The following PLCZ1 variants were observed in gnomAD, a reference collection of about 807,000 sequenced individuals.
PLCZ1 encodes the protein 1-phosphatidylinositol 4,5-bisphosphate phosphodiesterase zeta-1.
Under a neutral mutation model 76.8 loss-of-function variants are expected in PLCZ1, and 64 were observed. That is an observed-to-expected ratio of 0.83 (90% CI 0.68 to 1.03). PLCZ1 has a LOEUF of 1.03. Ranked by LOEUF, PLCZ1 falls within the 50% of genes least tolerant of loss-of-function variation. The probability of loss-of-function intolerance (pLI) is 0.00; values close to 1 mark genes in which losing one functional copy is unlikely to be tolerated. For missense variants in PLCZ1, 751 were observed against 713.7 expected (o/e 1.05, Z -0.60); for synonymous variants, 248 against 230.8 (o/e 1.07, Z -0.68).
In PLCZ1 at chr12:18,688,230, TATATGA is replaced by T; in HGVS notation, c.1462-18_1462-13del. On this transcript the variant is annotated splice_polypyrimidine_tract_variant and intron_variant, in intron 12 of 14. Coordinates refer to ENST00000266505, the MANE Select transcript of PLCZ1 (RefSeq NM_033123.4). ...ATACCACTGATGAGCTGCACAAATA[TATATGA>T]ATATAAGAATTTAGCAAGATATTAA... is the stretch of plus-strand genomic sequence containing the variant. The T allele has an allele frequency of 1.3e-6, 2 of 1,596,470 alleles. No individual in the cohort carries two copies. The highest frequency in any genetic ancestry group is 1.7e-6 in the Non-Finnish European group (2 of 1,172,548).
Position 18,701,528 on chromosome 12 carries a change from A to C in PLCZ1, c.990T>G (p.Pro330=). The C allele has an allele frequency of 2.5e-6, 4 of 1,613,970 alleles. No individual in the cohort carries two copies. The highest frequency in any genetic ancestry group is 3.4e-6 in the Non-Finnish European group (4 of 1,179,952). ...QDKETGVKKL[P]GVMLFKKKKT... ...TCTTTTTCTTGAAAAGCATTACTCC[A>C]GGTAACTTTTTTACCCCTGTTTCCT... Residue 330 remains proline, a synonymous_variant, in exon 9 of 15, where the codon CCT becomes CCG. Coordinates refer to ENST00000266505, the MANE Select transcript of PLCZ1 (RefSeq NM_033123.4).
chr12:18,650,664 ATGTGTG>A, the PLCZ1 span, among the ~76,000 whole-genome samples: 308 of 35,528 alleles, frequency 8.7e-3, 7 homozygotes, highest in Middle Eastern at 0.021. Context: ...TGGAATATAA[ATGTGTG>A]TGTGTGTGTG....
At chr12:18,691,006 T>C (rs140591057) in intron 12 of PLCZ1, among the ~76,000 whole-genome samples, 1 of 152,192 alleles carries the variant, frequency 6.6e-6, no homozygotes, top group East Asian at 1.9e-4. Flanking sequence ...AGAATAGATA[T>C]GGAGGACTGA....
intron 2 of PLCZ1, chr12:18,736,726 A>G (rs2150772857): frequency 7.9e-7 from 1 of 1,258,758 alleles, no homozygotes; most frequent in South Asian, 1.2e-5. Context: ...TCTTCCAGAA[A>G]GGTGAGCAAA....
intron 3 of PLCZ1, among the ~76,000 whole-genome samples, chr12:18,734,897 G>A (rs1302910018): frequency 6.6e-6 from 1 of 152,172 alleles, no homozygotes; most frequent in Non-Finnish European, 1.5e-5. Context: ...TTAGCTGTAA[G>A]CTTTTCATAT....
At chr12:18,687,509 A>G (rs1472804085) in intron 13 of PLCZ1, among the ~76,000 whole-genome samples, 2 of 152,132 alleles carry the variant, frequency 1.3e-5, no homozygotes, top group East Asian at 3.9e-4. Flanking sequence ...TGGCAATGCC[A>G]GTACTATACT....
In PLCZ1 at chr12:18,696,274, A is replaced by G. The variant is rs1592071270; in HGVS notation, c.1175-8T>C. 7.4e-7 allele frequency: 1 copy of G among 1,345,562 alleles called. No homozygotes were observed. The highest frequency in any genetic ancestry group is 1.0e-6 in the Non-Finnish European group (1 of 953,318). 83.4% of individuals were successfully genotyped at this position (1,345,562 alleles called of 1,614,324 possible). The stretch of plus-strand genomic sequence containing the variant: ...GAAAAATAAACTCATGGACTGAAAA[A>G]GAATAATTAAAACATTGTGAAAGAA... On this transcript the variant is annotated splice_polypyrimidine_tract_variant and splice_region_variant and intron_variant, in intron 10 of 14. Transcript: ENST00000266505.
chr12:18,717,747 A>G (rs1339665788), intron 5 of PLCZ1, among the ~76,000 whole-genome samples: 1 of 151,978 alleles, frequency 6.6e-6, no homozygotes, highest in African/African-American at 2.4e-5. Context: ...TTTCCCTCAT[A>G]TCTCTCTTCA....
chr12:18,701,606 ATCCTCCTCCTCCTCCTCCTCCTCC>A lies in PLCZ1; in HGVS notation c.949+62_950-39del, dbSNP rs11279217. Reference sequence around the variant, plus strand: ...CCAATACTTCTGATTCTTTGAATTTATCCTCCTCCTCCTCCTCCTCCTCCTCCTCCTCCTCCTCCTCCTCCTCTC... The same window carrying A: ...CCAATACTTCTGATTCTTTGAATTTATCCTCCTCCTCCTCCTCCTCCTCTC... On this transcript the variant is annotated intron_variant, in intron 8 of 14. Transcript: ENST00000266505. 1.5e-4 allele frequency: 236 copies of A among 1,525,058 alleles called. No homozygotes were observed. The Admixed American group carries it at 2.6e-3, about 17-fold the overall frequency. The allele number at this position is 1,525,058 out of a possible 1,614,324, so 94.5% of individuals were successfully genotyped here. A position where few individuals can be genotyped will look rare whatever the true frequency, so the allele number is the denominator to read the frequency against.
At chr12:18,664,403 G>C in the PLCZ1 span, among the ~76,000 whole-genome samples, 1 of 152,200 alleles carries the variant, frequency 6.6e-6, no homozygotes, top group Non-Finnish European at 1.5e-5. Flanking sequence ...TAAGGAAACT[G>C]TAGTTTATAC....
chr12:18,687,065 C>T (rs560869063), intron 13 of PLCZ1, among the ~76,000 whole-genome samples: 1 of 152,186 alleles, frequency 6.6e-6, no homozygotes, highest in Non-Finnish European at 1.5e-5. Flanking sequence ...TCTCTGGACA[C>T]AGCCGTAGCA....
the PLCZ1 span, among the ~76,000 whole-genome samples, chr12:18,658,764 G>A: frequency 6.6e-6 from 1 of 151,998 alleles, no homozygotes; most frequent in Non-Finnish European, 1.5e-5. Flanking sequence ...ATTTCACAGA[G>A]AGTAAAAAGG....
chr12:18,668,407 T>G, the PLCZ1 span, among the ~76,000 whole-genome samples: 3 of 152,194 alleles, frequency 2.0e-5, no homozygotes, highest in Non-Finnish European at 2.9e-5. Context: ...AAGGAAAACC[T>G]TGCTCATCCA....
the PLCZ1 span, among the ~76,000 whole-genome samples, chr12:18,652,947 GAA>G: frequency 0.018 from 2,725 of 151,728 alleles, 80 homozygotes; most frequent in African/African-American, 0.063. Context: ...GAGAGAGAGA[GAA>G]AGAGAGAGAC....
At chr12:18,721,381 T>G (rs115630028) in intron 4 of PLCZ1, among the ~76,000 whole-genome samples, 1,810 of 152,084 alleles carry the variant, frequency 0.012, 30 homozygotes, top group African/African-American at 0.04. Context: ...TGATCAATAA[T>G]CATGTAAATG....
At chr12:18,681,635 ACAT>A (rs1417147668), downstream of PLCZ1, among the ~76,000 whole-genome samples, 1 of 152,084 alleles carries the variant, frequency 6.6e-6, no homozygotes, top group African/African-American at 2.4e-5. Context: ...ATGTTTCAAG[ACAT>A]CATAAGATTC....
the PLCZ1 span, chr12:18,647,934 G>A: frequency 6.3e-6 from 10 of 1,599,252 alleles, no homozygotes; most frequent in African/African-American, 9.4e-5. Flanking sequence ...ATTGTGAAGA[G>A]TAAAACTGTA....
rs1336459499 is a variant in PLCZ1, at chr12:18,696,324, A to C, written c.1175-58T>G. ...ATTCAAATAAATTTAAAAAGCCACT[A>C]TATATATATATATATATATATATAT... On this transcript the variant is annotated intron_variant, in intron 10 of 14. Coordinates refer to ENST00000266505, the MANE Select transcript of PLCZ1 (RefSeq NM_033123.4). The C allele has an allele frequency of 8.3e-5, 4 of 48,240 alleles. No homozygotes were observed. The Admixed American group carries it at 8.8e-4, about 11-fold the overall frequency. The allele number at this position is 48,240 out of a possible 1,614,324, so 3.0% of individuals were successfully genotyped here.
At chr12:18,650,500 A>G in the PLCZ1 span, among the ~76,000 whole-genome samples, 7 of 150,076 alleles carry the variant, frequency 4.7e-5, no homozygotes, top group African/African-American at 1.7e-4. Flanking sequence ...TTTCCTGTGT[A>G]TGAAAAAAAA....
Sources: gnomAD v4.1 joint callset for allele counts (sites outside exome capture counted in the v4.1 genomes callset) on GRCh38, gnomAD v4.1.1 for gene constraint, MANE v1.5 for transcripts, NCBI Gene and HGNC (gene_info 2026-07-23, HGNC 2026-07-21) for gene names.